The following ZNF331 variants were observed in gnomAD, a reference collection of about 807,000 sequenced individuals.
ZNF331 encodes the protein zinc finger protein 331, also known as C2H2-like zinc finger protein rearranged in thyroid adenomas.
ZNF331 carries 2 observed loss-of-function variants against 7.0 expected under a neutral mutation model. The ratio of observed to expected loss-of-function variants is 0.29; its 90% CI spans 0.12 to 0.90. The LOEUF (loss-of-function observed/expected upper bound fraction) is 0.90. Among genes scored for constraint, ZNF331 ranks in the 40% least tolerant of loss-of-function variants. ZNF331 has a pLI of 0.58. For synonymous variants in ZNF331, 196 were observed against 205.4 expected, an observed-to-expected ratio of 0.95 and a Z score of 0.39; for missense variants, 432 against 587.7, an observed-to-expected ratio of 0.74 and a Z score of 2.74.
chr19:53,554,686 C>T (rs2089257780), intron 2 of ZNF331: 2 of 152,252 alleles, frequency 1.3e-5, no homozygotes, highest in African/African-American at 4.8e-5. Context: ...CTCCGCCAGT[C>T]CGCGCAGGTG....
In ZNF331 at chr19:53,573,113, G is replaced by A. The variant is rs914622523; in HGVS notation, c.136+1383G>A. The stretch of plus-strand genomic sequence containing the variant: ...GCACGCCTGTGATCTCAGCTACTCC[G>A]GAGGCTGGTGCAGGAGAATCATTTG... On this transcript the variant is annotated intron_variant, in intron 5 of 5. Transcript: ENST00000449416. The surrounding 1 kb of genome is among the most constrained non-coding windows in gnomAD (Gnocchi z 4.2). Among the ~76,000 whole-genome samples the A allele has an allele frequency of 1.3e-5, 2 of 152,052 alleles. No individual in the cohort carries two copies. Among genetic ancestry groups the A allele is most frequent in the African/African-American group, 2.4e-5 (1 of 41,394 alleles).
At chr19:53,561,845 C>T (rs1035313591) in intron 3 of ZNF331, among the ~76,000 whole-genome samples, 3 of 151,792 alleles carry the variant, frequency 2.0e-5, no homozygotes, top group African/African-American at 7.3e-5. Flanking sequence ...AGAGTGAGAC[C>T]ATCTCAAAAA....
intron 5 of ZNF331, 56 bp from the exon 6 acceptor site, chr19:53,576,641 G>A (rs2090737093): frequency 1.3e-6 from 2 of 1,487,030 alleles, no homozygotes. Flanking sequence ...TTTGTGGTTA[G>A]GTTCGTTTGT....
chr19:53,514,300 G>T, the ZNF331 span, among the ~76,000 whole-genome samples: 2 of 152,030 alleles, frequency 1.3e-5, no homozygotes, highest in South Asian at 4.1e-4. Flanking sequence ...CCAGGTTCAA[G>T]TGATTCTCAT....
chr19:53,522,598 C>T (rs1252645297), intron 1 of ZNF331: 1 of 152,172 alleles, frequency 6.6e-6, no homozygotes, highest in African/African-American at 2.4e-5. Flanking sequence ...TTCTTATCTT[C>T]CTTTTCCCCT....
intron 2 of ZNF331, among the ~76,000 whole-genome samples, chr19:53,546,245 T>C (rs554980482): frequency 1.3e-5 from 2 of 152,186 alleles, no homozygotes; most frequent in South Asian, 4.1e-4. Context: ...CCTAATATTA[T>C]ATATCTGAAA....
chr19:53,505,159 C>CT, the ZNF331 span, among the ~76,000 whole-genome samples: 3 of 151,982 alleles, frequency 2.0e-5, no homozygotes, highest in African/African-American at 4.8e-5. Flanking sequence ...AGGGAGCAGT[C>CT]TTTTTTTTCT....
chr19:53,563,178 C>T (rs948052322), intron 3 of ZNF331, among the ~76,000 whole-genome samples: 5 of 150,012 alleles, frequency 3.3e-5, no homozygotes, highest in Admixed American at 2.7e-4. Flanking sequence ...ATCTCCGCCT[C>T]CCGGGTTCAA....
chr19:53,538,477 A>T (rs1283119548), intron 1 of ZNF331, 181 bp downstream of exon 1: 1 of 151,970 alleles, frequency 6.6e-6, no homozygotes, highest in Non-Finnish European at 1.5e-5. Context: ...CGTCCCTGGG[A>T]CTCTGCTCCG....
At chr19:53,564,528 G>A (rs533552545) in intron 3 of ZNF331, among the ~76,000 whole-genome samples, 11 of 152,214 alleles carry the variant, frequency 7.2e-5, no homozygotes, top group South Asian at 2.1e-4. Context: ...TGATCCACCC[G>A]CCTTGGCCTC....
rs376596424 is a variant in ZNF331, at chr19:53,575,129, G to A, written c.137-1568G>A. On this transcript the variant is annotated intron_variant, in intron 5 of 5. Transcript: ENST00000449416. ...TTTTTGTATTTTTTTTGTAGAGACA[G>A]GGTTTTGCTATGTTTCCCAGGCTGG... Among the ~76,000 whole-genome samples, 8 of 151,700 alleles carry A rather than the reference G, an allele frequency of 5.3e-5. No homozygotes were observed. The East Asian group carries it at 9.7e-4, about 18-fold the overall frequency.
At chr19:53,572,621 AC>A (rs58243187) in intron 5 of ZNF331, among the ~76,000 whole-genome samples, 52,146 of 146,682 alleles carry the variant, frequency 0.36, 10,116 homozygotes, top group African/African-American at 0.47. Context: ...TTATATATAC[AC>A]ATATATACAT....
the ZNF331 span, among the ~76,000 whole-genome samples, chr19:53,505,846 G>A: frequency 2.6e-5 from 4 of 151,686 alleles, no homozygotes; most frequent in African/African-American, 9.7e-5. Flanking sequence ...TTAGCTGGGC[G>A]TGGTGGTGGG....
At chr19:53,536,767 G>A (rs751580281), upstream of ZNF331, among the ~76,000 whole-genome samples, 7 of 152,168 alleles carry the variant, frequency 4.6e-5, no homozygotes, top group Non-Finnish European at 2.9e-5. Flanking sequence ...GCCGGGCGTG[G>A]TAGCGCATGC....
Position 53,560,499 on chromosome 19 carries a change from C to G in ZNF331, c.-74+4591C>G, listed in dbSNP as rs955403153. 6.6e-6 allele frequency among the ~76,000 whole-genome samples: 1 copy of G among 152,078 alleles called. No individual in the cohort carries two copies. Among genetic ancestry groups the G allele is most frequent in the African/African-American group, 2.4e-5 (1 of 41,390 alleles). On this transcript the variant is annotated intron_variant, in intron 3 of 5. Transcript: ENST00000449416. This position sits in a 1 kb window ranked among gnomAD's most constrained non-coding sequence, Gnocchi z 4.3. ...GCCTGATTCAGTGACACTACTTTTTCAATATTAGGCCTTATATCAGTTTAT... is the reference window on the plus strand; with the variant it reads ...GCCTGATTCAGTGACACTACTTTTTGAATATTAGGCCTTATATCAGTTTAT...
upstream of ZNF331, among the ~76,000 whole-genome samples, chr19:53,516,014 T>G (rs1343606188): frequency 2.0e-5 from 3 of 152,260 alleles, no homozygotes; most frequent in East Asian, 3.9e-4. Flanking sequence ...AGCTGGTAGA[T>G]GTTATGCCAA....
upstream of ZNF331, among the ~76,000 whole-genome samples, chr19:53,520,140 T>C (rs2147217279): frequency 6.6e-6 from 1 of 150,482 alleles, no homozygotes; most frequent in Admixed American, 6.6e-5. Context: ...CTCTGCCTCC[T>C]GGGTTCAAGC....
At chr19:53,512,528 A>T in the ZNF331 span, 1 of 152,308 alleles carries the variant, frequency 6.6e-6, no homozygotes, top group Non-Finnish European at 1.5e-5. Context: ...GGGAGCTCTT[A>T]AGTTGGGCAT....
the ZNF331 span, among the ~76,000 whole-genome samples, chr19:53,511,412 G>A: frequency 2.0e-5 from 3 of 151,916 alleles, no homozygotes; most frequent in Admixed American, 2.0e-4. Flanking sequence ...ATGTATGTTA[G>A]ATTTAATATC....
Sources: gnomAD v4.1 joint callset for allele counts (sites outside exome capture counted in the v4.1 genomes callset) on GRCh38, gnomAD v4.1.1 for gene constraint, Gnocchi (gnomAD v3.1) non-coding constraint, MANE v1.5 for transcripts, NCBI Gene and HGNC (gene_info 2026-07-23, HGNC 2026-07-21) for gene names.